The following EIF4G3 variants were observed in gnomAD, a reference collection of about 807,000 sequenced individuals.
EIF4G3 encodes eIF-4-gamma 3.
A neutral mutation model predicts 186.4 loss-of-function variants in EIF4G3; 34 were observed. That is an observed-to-expected ratio of 0.18 (90% CI 0.14 to 0.24). The LOEUF (loss-of-function observed/expected upper bound fraction) is 0.24. Ranked by LOEUF, EIF4G3 falls within the 10% of genes least tolerant of loss-of-function variation. The pLI, the probability that EIF4G3 is intolerant of heterozygous loss-of-function variation, is 1.00. For synonymous variants in EIF4G3, 673 were observed against 679.5 expected (o/e 0.99, Z 0.15); for missense variants, 1,536 against 1,948.5 (o/e 0.79, Z 3.99).
intron 2 of EIF4G3, among the ~76,000 whole-genome samples, chr1:21,150,449 C>A (rs2097532059): frequency 6.6e-6 from 1 of 152,102 alleles, no homozygotes; most frequent in African/African-American, 2.4e-5. Context: ...AATGTGAGAT[C>A]AGCACTATAC....
At chr1:20,853,520 C>G (rs3767244) in intron 27 of EIF4G3, 40 bp downstream of exon 27, 1 of 1,366,242 alleles carries the variant, frequency 7.3e-7, no homozygotes, top group Non-Finnish European at 1.0e-6. Context: ...TACTGGCAAG[C>G]GGGCCAGCCT....
At chr1:21,095,841 C>A (rs1275050524) in intron 2 of EIF4G3, among the ~76,000 whole-genome samples, 1 of 151,390 alleles carries the variant, frequency 6.6e-6, no homozygotes, top group Non-Finnish European at 1.5e-5. Flanking sequence ...GCAACAATGG[C>A]TGCTGACTAC....
chr1:21,116,386 G>C (rs2096823573), intron 2 of EIF4G3, among the ~76,000 whole-genome samples: 1 of 152,038 alleles, frequency 6.6e-6, no homozygotes, highest in African/African-American at 2.4e-5. Flanking sequence ...CAGAAACCAT[G>C]TAACATCAAG....
Position 20,855,029 on chromosome 1 carries a change from G to A in EIF4G3, c.3382C>T (p.Leu1128=). The A allele has an allele frequency of 6.2e-7, 1 of 1,613,528 alleles. No homozygotes were observed. The highest frequency in any genetic ancestry group is 8.5e-7 in the Non-Finnish European group (1 of 1,179,636). ...EKIQLVPKAQ[L]GSWGKGSSGG... Reference sequence around the variant, plus strand: ...CTGCTGCCTTTTCCCCAGCTGCCTAGCTGTGCTTTAGGTACCAGCTGAATT... The same window carrying A: ...CTGCTGCCTTTTCCCCAGCTGCCTAACTGTGCTTTAGGTACCAGCTGAATT... The change falls in exon 26 of 37, where the codon CTA becomes TTA. Residue 1128 remains leucine (L), a synonymous_variant. Coordinates refer to ENST00000602326, the MANE Select transcript of EIF4G3 (RefSeq NM_001391906.1).
At chr1:21,119,427 G>C (rs1212345871) in intron 2 of EIF4G3, among the ~76,000 whole-genome samples, 1 of 152,048 alleles carries the variant, frequency 6.6e-6, no homozygotes, top group African/African-American at 2.4e-5. Context: ...TTCATGTACA[G>C]TTTGCAACCT....
At chr1:21,090,911 T>G (rs769778895) in intron 2 of EIF4G3, among the ~76,000 whole-genome samples, 1 of 152,056 alleles carries the variant, frequency 6.6e-6, no homozygotes, top group Non-Finnish European at 1.5e-5. Context: ...ATGCAAAGGG[T>G]CTTTTTCTAT....
intron 4 of EIF4G3, among the ~76,000 whole-genome samples, chr1:21,024,411 T>C (rs1428141811): frequency 4.4e-4 from 67 of 151,568 alleles, no homozygotes; most frequent in Admixed American, 6.6e-4. Context: ...TCATTGAGAA[T>C]GGGCCAGGAT....
intron 34 of EIF4G3, among the ~76,000 whole-genome samples, 156 bp from the exon 35 acceptor site, chr1:20,813,395 T>G (rs565527926): frequency 2.4e-5 from 2 of 83,876 alleles, no homozygotes; most frequent in South Asian, 1.1e-3. Context: ...AGACCCTATC[T>G]CTTAAAAAAA....
intron 2 of EIF4G3, among the ~76,000 whole-genome samples, chr1:21,127,580 T>A (rs1181856476): frequency 1.3e-5 from 2 of 152,362 alleles, no homozygotes; most frequent in Non-Finnish European, 1.5e-5. Context: ...AACAAATGAA[T>A]GCATTCCTTA....
intron 2 of EIF4G3, among the ~76,000 whole-genome samples, chr1:21,100,766 A>C (rs2096498245): frequency 6.6e-6 from 1 of 152,194 alleles, no homozygotes; most frequent in African/African-American, 2.4e-5. Context: ...CTACACAAAC[A>C]AAGAGAATTG....
intron 2 of EIF4G3, among the ~76,000 whole-genome samples, chr1:21,135,630 A>C (rs2097224811): frequency 6.6e-6 from 1 of 152,224 alleles, no homozygotes; most frequent in Admixed American, 6.5e-5. Flanking sequence ...AAAATACAAG[A>C]CCATGTGTCA....
At chr1:21,080,275 G>A (rs529849542) in intron 3 of EIF4G3, among the ~76,000 whole-genome samples, 10 of 150,578 alleles carry the variant, frequency 6.6e-5, no homozygotes, top group Non-Finnish European at 1.2e-4. Context: ...ATGATCGTGC[G>A]ACTGCACTCC....
intron 4 of EIF4G3, among the ~76,000 whole-genome samples, chr1:21,006,182 T>C (rs2085026901): frequency 6.6e-6 from 1 of 152,246 alleles, no homozygotes; most frequent in African/African-American, 2.4e-5. Context: ...CTGTAAAAGA[T>C]GCCTCTACTC....
chr1:21,169,054 C>T (rs373225400), intron 2 of EIF4G3, among the ~76,000 whole-genome samples: 2 of 151,842 alleles, frequency 1.3e-5, no homozygotes, highest in South Asian at 4.2e-4. Context: ...ACCTGTGGTC[C>T]GAGCTCCTTG....
At position 20,906,517 on chromosome 1, in the gene EIF4G3, TATAAGCTCA is replaced by T. The variant is rs2092139362; in HGVS notation, c.1664-1555_1664-1547del. Among the ~76,000 whole-genome samples, 4 of 152,258 alleles carry T rather than the reference TATAAGCTCA, an allele frequency of 2.6e-5. No homozygotes were observed. The South Asian group carries it at 6.2e-4, about 24-fold the overall frequency. On this transcript the variant is annotated intron_variant, in intron 14 of 36. Transcript: ENST00000602326. ...TTTTGGAGGATTTTTGGGGCTCAAA[TATAAGCTCA>T]AAAGGAACTTCCTCTAAACAACAAA...
intron 2 of EIF4G3, among the ~76,000 whole-genome samples, chr1:21,114,267 C>T (rs1206104584): frequency 6.6e-6 from 1 of 152,070 alleles, no homozygotes; most frequent in Non-Finnish European, 1.5e-5. Context: ...CTGCCTCAGC[C>T]TCCCGAGTAG....
chr1:20,859,300 T>C (rs775855985), intron 24 of EIF4G3, among the ~76,000 whole-genome samples: 5 of 152,190 alleles, frequency 3.3e-5, no homozygotes, highest in Non-Finnish European at 5.9e-5. Context: ...ATAAAAGTTA[T>C]TACCCAAAAG....
At chr1:20,897,962 C>T (rs1487365698) in intron 16 of EIF4G3, among the ~76,000 whole-genome samples, 1 of 151,872 alleles carries the variant, frequency 6.6e-6, no homozygotes, top group Non-Finnish European at 1.5e-5. Context: ...ATATAATTTG[C>T]ATAGTCTAAA....
At chr1:20,889,139 A>G (rs1196966833) in intron 18 of EIF4G3, among the ~76,000 whole-genome samples, 2 of 152,224 alleles carry the variant, frequency 1.3e-5, no homozygotes, top group African/African-American at 4.8e-5. Flanking sequence ...ATGTATTATG[A>G]AATTATACCC....
Sources: gnomAD v4.1 joint callset for allele counts (sites outside exome capture counted in the v4.1 genomes callset) on GRCh38, gnomAD v4.1.1 for gene constraint, MANE v1.5 for transcripts, NCBI Gene and HGNC (gene_info 2026-07-23, HGNC 2026-07-21) for gene names.